Variants in SAMD12 observed in about 807,000 individuals in gnomAD.
The protein encoded by SAMD12 is sterile alpha motif domain-containing protein 12.
A neutral mutation model predicts 15.0 loss-of-function variants in SAMD12; 9 were observed. That is an observed-to-expected ratio of 0.60 (90% CI 0.36 to 1.05). The LOEUF is 1.05. SAMD12 is among the 50% of genes least tolerant of loss of function. The pLI, the probability that SAMD12 is intolerant of heterozygous loss-of-function variation, is 0.01. For synonymous variants in SAMD12, 86 were observed against 90.1 expected, an observed-to-expected ratio of 0.96 and a Z score of 0.25; for missense variants, 230 against 234.2, an observed-to-expected ratio of 0.98 and a Z score of 0.12.
At chr8:118,287,610 T>G (rs1237895929) in intron 4 of SAMD12, among the ~76,000 whole-genome samples, 1 of 152,192 alleles carries the variant, frequency 6.6e-6, no homozygotes, top group Non-Finnish European at 1.5e-5. Context: ...TGCCCGGTTT[T>G]TACTCACCTG....
exon 5 of SAMD12, chr8:118,190,381 C>G (rs1819331038): frequency 1.3e-5 from 2 of 152,134 alleles, no homozygotes; most frequent in African/African-American, 4.8e-5. Context: ...CGGGTCTTCT[C>G]CAACCTGGGA....
chr8:118,541,675 A>G lies in SAMD12; in HGVS notation c.192+39040T>C, dbSNP rs531158786. Among the ~76,000 whole-genome samples the G allele has an allele frequency of 7.2e-5, 11 of 152,300 alleles. No homozygotes were observed. In the South Asian group the frequency reaches 2.1e-3, roughly 29 times the overall value. On this transcript the variant is annotated intron_variant, in intron 2 of 3. Transcript: ENST00000314727. The stretch of plus-strand genomic sequence containing the variant: ...AGTTATTACCATGTAATTAGATTGT[A>G]AATTCCTTATAGACAAATTTCAAAT...
intron 2 of SAMD12, among the ~76,000 whole-genome samples, chr8:118,573,228 T>C (rs1212900705): frequency 6.6e-6 from 1 of 152,004 alleles, no homozygotes; most frequent in Non-Finnish European, 1.5e-5. Context: ...GGGACTACAG[T>C]CACCTGCCAC....
At chr8:118,160,897 C>T in the SAMD12 span, among the ~76,000 whole-genome samples, 1 of 152,056 alleles carries the variant, frequency 6.6e-6, no homozygotes, top group African/African-American at 2.4e-5. Flanking sequence ...ACCCATTAAA[C>T]TCATCATTTA....
intron 4 of SAMD12, among the ~76,000 whole-genome samples, chr8:118,369,715 C>CA (rs924021127): frequency 4.0e-5 from 6 of 150,310 alleles, no homozygotes; most frequent in African/African-American, 9.8e-5. Context: ...AACTCTGTCT[C>CA]AAAAAAAATA....
intron 4 of SAMD12, among the ~76,000 whole-genome samples, chr8:118,340,236 T>C (rs978977414): frequency 6.6e-6 from 1 of 152,208 alleles, no homozygotes; most frequent in Non-Finnish European, 1.5e-5. Flanking sequence ...GTCTTATTCA[T>C]AGACTCATCC....
the SAMD12 span, among the ~76,000 whole-genome samples, chr8:118,160,919 A>G: frequency 6.6e-6 from 1 of 152,118 alleles, no homozygotes; most frequent in Non-Finnish European, 1.5e-5. Flanking sequence ...CATTAGGTAT[A>G]TCTCCTAATG....
chr8:118,222,946 C>T (rs1812113834), intron 4 of SAMD12, among the ~76,000 whole-genome samples: 1 of 152,174 alleles, frequency 6.6e-6, no homozygotes, highest in African/African-American at 2.4e-5. Flanking sequence ...CAGGGGCCAT[C>T]TGACTTGTCA....
Position 118,320,757 on chromosome 8 carries a change from G to GTA in SAMD12, c.433+58801_433+58802dup, listed in dbSNP as rs1359568565. Among the ~76,000 whole-genome samples, 3 of 150,760 alleles carry GTA rather than the reference G, an allele frequency of 2.0e-5. No homozygotes were observed. In the East Asian group the frequency reaches 5.8e-4, roughly 29 times the overall value. ...GGTGCAGCACACCAACACGGTACAT[G>GTA]TATATATATGTAACAAATCTGCACA... On this transcript the variant is annotated intron_variant, in intron 4 of 4. Transcript: ENST00000409003.
chr8:118,617,439 T>C (rs1215892310), intron 1 of SAMD12, among the ~76,000 whole-genome samples: 1 of 152,236 alleles, frequency 6.6e-6, no homozygotes, highest in African/African-American at 2.4e-5. Context: ...CAGAAGATAT[T>C]TGGTAAGCTA....
intron 4 of SAMD12, among the ~76,000 whole-genome samples, chr8:118,220,936 A>C (rs1055914934): frequency 6.6e-6 from 1 of 152,076 alleles, no homozygotes; most frequent in African/African-American, 2.4e-5. Context: ...GGGGTGGGGG[A>C]CATATTGTCC....
At chr8:118,339,784 C>T (rs1025340959) in intron 4 of SAMD12, among the ~76,000 whole-genome samples, 3 of 152,230 alleles carry the variant, frequency 2.0e-5, no homozygotes, top group African/African-American at 7.2e-5. Flanking sequence ...CTCTTCAGAG[C>T]AGGTGGTTTG....
intron 4 of SAMD12, among the ~76,000 whole-genome samples, chr8:118,269,467 C>G (rs1475416774): frequency 6.6e-6 from 1 of 152,040 alleles, no homozygotes; most frequent in Non-Finnish European, 1.5e-5. Context: ...AAGTCATCTG[C>G]CAGATTGATG....
Position 118,378,884 on chromosome 8 carries a change from A to C in SAMD12, c.*533T>G, listed in dbSNP as rs1819518915. ...GATCTTAAGTGCTCTCATCATATTG[A>C]AGTTATTTATAATTCCTGTTAAGAA... On this transcript the variant is annotated 3_prime_UTR_variant, in exon 4 of 4. Coordinates refer to ENST00000314727, the MANE Select transcript of SAMD12 (RefSeq NM_207506.3). 2 of 969,088 alleles carry C rather than the reference A, an allele frequency of 2.1e-6. No homozygotes were observed. The highest frequency in any genetic ancestry group is 1.1e-4 in the East Asian group (1 of 8,724). The allele number at this position is 969,088 out of a possible 1,614,324, so 60.0% of individuals were successfully genotyped here. A position where few individuals can be genotyped will look rare whatever the true frequency, so the allele number is the denominator to read the frequency against.
intron 3 of SAMD12, among the ~76,000 whole-genome samples, chr8:118,416,119 T>C (rs1045765048): frequency 6.6e-6 from 1 of 152,154 alleles, no homozygotes; most frequent in Non-Finnish European, 1.5e-5. Context: ...GTTCCAATAA[T>C]AGTTTAATAG....
At chr8:118,462,877 C>T (rs560748229) in intron 2 of SAMD12, among the ~76,000 whole-genome samples, 6 of 151,944 alleles carry the variant, frequency 3.9e-5, no homozygotes, top group East Asian at 3.9e-4. Context: ...CCGAGACGGG[C>T]GGATCACGAG....
chr8:118,271,631 A>G (rs1228167234), intron 4 of SAMD12, among the ~76,000 whole-genome samples: 1 of 152,240 alleles, frequency 6.6e-6, no homozygotes, highest in African/African-American at 2.4e-5. Flanking sequence ...AAAGCAAGTT[A>G]GTTACTTCTA....
the SAMD12 span, among the ~76,000 whole-genome samples, chr8:118,178,523 T>C: frequency 1.3e-5 from 2 of 152,166 alleles, no homozygotes; most frequent in African/African-American, 4.8e-5. Context: ...TGGAGTGCAG[T>C]GCCATAATCT....
At chr8:118,177,818 T>C in the SAMD12 span, among the ~76,000 whole-genome samples, 1 of 152,226 alleles carries the variant, frequency 6.6e-6, no homozygotes, top group Non-Finnish European at 1.5e-5. Context: ...GAATAGATCA[T>C]TCTCTGTGCC....
Sources: gnomAD v4.1 joint callset for allele counts (sites outside exome capture counted in the v4.1 genomes callset) on GRCh38, gnomAD v4.1.1 for gene constraint, MANE v1.5 for transcripts, NCBI Gene and HGNC (gene_info 2026-07-23, HGNC 2026-07-21) for gene names.